The following NSUN7 variants were observed in gnomAD, a reference collection of about 807,000 sequenced individuals.
The protein encoded by NSUN7 is protein NSUN7.
Under a neutral mutation model 58.5 loss-of-function variants are expected in NSUN7, and 39 were observed. The observed-to-expected ratio is 0.67, with a 90% CI of 0.52 to 0.87. NSUN7 has a LOEUF of 0.87. Ranked by LOEUF, NSUN7 falls within the 40% of genes least tolerant of loss-of-function variation. The pLI is 0.00. For synonymous variants in NSUN7, 278 were observed against 303.7 expected, an observed-to-expected ratio of 0.92 and a Z score of 0.88; for missense variants, 765 against 844.1, an observed-to-expected ratio of 0.91 and a Z score of 1.16.
In NSUN7 at chr4:40,759,079, G is replaced by T. The variant is rs571040541; in HGVS notation, c.299-1355G>T. On this transcript the variant is annotated intron_variant, in intron 2 of 11. Transcript: ENST00000381782. Reference sequence around the variant, plus strand: ...AATCCCAGCACTTTGGGAGGCCGAGGTGGGCAGATCACCTGAGGTCAGGAG... The same window carrying T: ...AATCCCAGCACTTTGGGAGGCCGAGTTGGGCAGATCACCTGAGGTCAGGAG... Among the ~76,000 whole-genome samples, 987 of 152,286 alleles carry T rather than the reference G, an allele frequency of 6.5e-3. 6 individuals are homozygous for T. The highest frequency in any genetic ancestry group is 0.01 in the Non-Finnish European group (710 of 68,012).
At chr4:40,797,465 C>G (rs917745038) in intron 9 of NSUN7, among the ~76,000 whole-genome samples, 1 of 152,164 alleles carries the variant, frequency 6.6e-6, no homozygotes, top group Non-Finnish European at 1.5e-5. Flanking sequence ...CATACTTGTT[C>G]CTCCCACAGT....
At chr4:40,763,404 T>TGGC (rs33963958) in intron 4 of NSUN7, among the ~76,000 whole-genome samples, 1 of 5,580 alleles carries the variant, frequency 1.8e-4, no homozygotes, top group African/African-American at 6.4e-3. Flanking sequence ...AGAGGAAACT[T>TGGC]GGAGCAATAT....
Position 40,809,232 on chromosome 4 carries a change from A to ACTT in NSUN7, c.*294_*296dup, listed in dbSNP as rs1744045738. The ACTT allele has an allele frequency of 3.8e-6, 1 of 261,102 alleles. No homozygotes were observed. The highest frequency in any genetic ancestry group is 7.2e-6 in the Non-Finnish European group (1 of 138,412). The allele number at this position is 261,102 out of a possible 1,614,324, so 16.2% of individuals were successfully genotyped here. ...TCACTCCTGTGAACTTTCAGGCTGG[A>ACTT]CTTAAAGCTGCCAAGTTTCCCCTGC... On this transcript the variant is annotated 3_prime_UTR_variant, in exon 12 of 12. Coordinates refer to ENST00000381782, the MANE Select transcript of NSUN7 (RefSeq NM_024677.6).
chr4:40,794,482 G>A lies in NSUN7; in HGVS notation c.1282+6G>A, dbSNP rs1447774679. On this transcript the variant is annotated splice_donor_region_variant and intron_variant, in intron 9 of 11. Transcript: ENST00000381782. ...GCTAACACATGCAATGAAATGTAAG[G>A]TTGTCATAGGCACCATCTTGTTAAA... is the stretch of plus-strand genomic sequence containing the variant. The A allele has an allele frequency of 6.5e-7, 1 of 1,531,080 alleles. No homozygotes were observed. The highest frequency in any genetic ancestry group is 1.7e-5 in the Admixed American group (1 of 58,918). The allele number at this position is 1,531,080 out of a possible 1,614,324, so 94.8% of individuals were successfully genotyped here. A position where few individuals can be genotyped will look rare whatever the true frequency, so the allele number is the denominator to read the frequency against.
intron 4 of NSUN7, among the ~76,000 whole-genome samples, chr4:40,766,341 A>G (rs1202687235): frequency 1.3e-5 from 2 of 151,694 alleles, no homozygotes; most frequent in East Asian, 1.9e-4. Flanking sequence ...TGAGATAATC[A>G]TGTGGTTTTT....
rs904199414 is a variant in NSUN7 at position 40,808,859 on chromosome 4, C to T, written c.2077C>T (p.His693Tyr). The T allele has an allele frequency of 7.2e-5, 111 of 1,548,694 alleles. No homozygotes were observed. Among genetic ancestry groups the T allele is most frequent in the Non-Finnish European group, 9.3e-5 (107 of 1,146,740 alleles). Residue 693 changes from histidine (H) to tyrosine (Y), a missense_variant, in exon 12 of 12, where the codon CAC (histidine) becomes TAC (tyrosine). His to Tyr is a moderately conservative substitution (Grantham distance 83). Transcript: ENST00000381782. Reference protein sequence around the residue: ...KALVPTCLPTHSLSRKEEKPK... With the variant: ...KALVPTCLPTYSLSRKEEKPK... ...ACTTGTGCCCACCTGCCTTCCCACA[C>T]ACTCACTATCCAGAAAAGAGGAAAA...
chr4:40,790,890 C>G, intron 8 of NSUN7, 145 bp downstream of exon 8: 1 of 607,292 alleles, frequency 1.6e-6, no homozygotes, highest in East Asian at 3.1e-5. Flanking sequence ...GTATAAAGTC[C>G]TTTACCTCTG....
chr4:40,808,577 G>T lies in NSUN7; in HGVS notation c.1795G>T (p.Ala599Ser), dbSNP rs759468944. The T allele has an allele frequency of 6.4e-7, 1 of 1,551,608 alleles. No individual in the cohort carries two copies. Among genetic ancestry groups the T allele is most frequent in the Non-Finnish European group, 8.7e-7 (1 of 1,147,010 alleles). ...LPQKNTAQVG[A>S]SSQTRKPNKL... Reference sequence around the variant, plus strand: ...CCAGAAAAATACTGCTCAAGTGGGGGCTTCCTCACAGACCAGAAAACCCAA... The same window carrying T: ...CCAGAAAAATACTGCTCAAGTGGGGTCTTCCTCACAGACCAGAAAACCCAA... Residue 599 changes from alanine (A) to serine (S), a missense_variant, in exon 12 of 12, where the codon GCT becomes TCT. Physicochemically the swap from Ala to Ser is moderately conservative, Grantham distance 99 (BLOSUM62 1). Transcript: ENST00000381782.
intron 5 of NSUN7, 31 bp from the exon 6 acceptor site, chr4:40,774,735 TG>T (rs1168943245): frequency 6.8e-6 from 9 of 1,325,290 alleles, no homozygotes; most frequent in Non-Finnish European, 9.4e-6. Flanking sequence ...GTATTATATT[TG>T]TAATTACAAG....
chr4:40,780,813 ATTTTT>A (rs1171816788), intron 7 of NSUN7, among the ~76,000 whole-genome samples: 234 of 63,054 alleles, frequency 3.7e-3, no homozygotes, highest in South Asian at 4.1e-3. Context: ...ATATATATAT[ATTTTT>A]TTTTTTTTTT....
chr4:40,808,422 A>G lies in NSUN7; in HGVS notation c.1640A>G (p.Lys547Arg). Residue 547 changes from lysine (K) to arginine (R), a missense_variant, in exon 12 of 12, where the codon AAA becomes AGA. By Grantham distance (26) the Lys-to-Arg change is conservative. Transcript: ENST00000381782. ...TCAAAACGGGAGAAGAAGAAGAAAA[A>G]ATCAAAAACATCATTGACAAAAGGT... ...KSSKREKKKK[K>R]SKTSLTKGAT... 6.2e-7 allele frequency: 1 copy of G among 1,613,474 alleles called. No individual in the cohort carries two copies. Among genetic ancestry groups the G allele is most frequent in the South Asian group, 1.1e-5 (1 of 90,968 alleles).
chr4:40,789,614 C>T (rs1181740780), intron 7 of NSUN7, among the ~76,000 whole-genome samples: 1 of 152,090 alleles, frequency 6.6e-6, no homozygotes, highest in African/African-American at 2.4e-5. Flanking sequence ...ACAAGATTGA[C>T]TGTGAATGGT....
intron 7 of NSUN7, among the ~76,000 whole-genome samples, chr4:40,777,606 G>A (rs866994295): frequency 7.9e-5 from 12 of 152,256 alleles, no homozygotes; most frequent in Non-Finnish European, 1.2e-4. Context: ...GTGAGCCACC[G>A]CACCCGGCCT....
intron 10 of NSUN7, among the ~76,000 whole-genome samples, chr4:40,800,454 C>T (rs1439048720): frequency 6.6e-6 from 1 of 152,130 alleles, no homozygotes; most frequent in Non-Finnish European, 1.5e-5. Context: ...GTTCTCTTGC[C>T]TCAGCCTCCC....
rs186228940 is a variant in NSUN7 at position 40,765,864 on chromosome 4, A to G, written c.488+4563A>G. On this transcript the variant is annotated intron_variant, in intron 4 of 11. Transcript: ENST00000381782. ...AGCAATTGTGAATGGGAGTTCACTC[A>G]TGATTTGGCTCTCTGTTTGTCTGTT... 3.8e-3 allele frequency among the ~76,000 whole-genome samples: 576 copies of G among 152,320 alleles called. 6 individuals are homozygous for G. Among genetic ancestry groups the G allele is most frequent in the African/African-American group, 0.013 (542 of 41,572 alleles).
At chr4:40,780,079 G>A (rs1742453549) in intron 7 of NSUN7, among the ~76,000 whole-genome samples, 1 of 152,084 alleles carries the variant, frequency 6.6e-6, no homozygotes, top group Non-Finnish European at 1.5e-5. Context: ...CCAGGAGTTC[G>A]AGACCAGCCC....
At position 40,761,162 on chromosome 4, in the gene NSUN7, C is replaced by T. The variant is rs1355095147; in HGVS notation, c.358-9C>T. On this transcript the variant is annotated splice_polypyrimidine_tract_variant and intron_variant, in intron 3 of 11. Coordinates refer to ENST00000381782, the MANE Select transcript of NSUN7 (RefSeq NM_024677.6). ...TATACTTTTCTTTATATATGTTTTC[C>T]CTTGTTAGCCAGATCATTTGAGCAG... The T allele has an allele frequency of 6.4e-7, 1 of 1,564,830 alleles. No homozygotes were observed. The highest frequency in any genetic ancestry group is 8.6e-7 in the Non-Finnish European group (1 of 1,160,720).
At chr4:40,795,990 G>A (rs1743308361) in intron 9 of NSUN7, among the ~76,000 whole-genome samples, 1 of 152,014 alleles carries the variant, frequency 6.6e-6, no homozygotes, top group Non-Finnish European at 1.5e-5. Context: ...TGCTATCTTT[G>A]ACCAGAGCAA....
chr4:40,765,923 ATTGATTTTGTATC>A (rs1361367618), intron 4 of NSUN7, among the ~76,000 whole-genome samples: 1 of 152,214 alleles, frequency 6.6e-6, no homozygotes, highest in Non-Finnish European at 1.5e-5. Flanking sequence ...ATATTTGTAC[ATTGATTTTGTATC>A]CTGAGACTTT....
Sources: gnomAD v4.1 joint callset for allele counts (sites outside exome capture counted in the v4.1 genomes callset) on GRCh38, gnomAD v4.1.1 for gene constraint, MANE v1.5 for transcripts, NCBI Gene and HGNC (gene_info 2026-07-23, HGNC 2026-07-21) for gene names.